The following SEMA3A variants were observed in gnomAD, a reference collection of about 807,000 sequenced individuals.
The protein encoded by SEMA3A is semaphorin-3A.
Under a neutral mutation model 97.9 loss-of-function variants are expected in SEMA3A, and 29 were observed. The ratio of observed to expected loss-of-function variants is 0.30; its 90% confidence interval spans 0.22 to 0.40. SEMA3A has a LOEUF of 0.40. Ranked by LOEUF, SEMA3A falls within the 10% of genes least tolerant of loss-of-function variation. The pLI, the probability that SEMA3A is intolerant of heterozygous loss-of-function variation, is 1.00. For missense variants in SEMA3A, 763 were observed against 951.3 expected (o/e 0.80, Z 2.60); for synonymous variants, 321 against 323.7 (o/e 0.99, Z 0.09).
chr7:84,456,671 T>C (rs1805694962), intron 1 of SEMA3A, among the ~76,000 whole-genome samples: 1 of 151,832 alleles, frequency 6.6e-6, no homozygotes, highest in Non-Finnish European at 1.5e-5. Context: ...ATAATTTCAT[T>C]GGTAAATTGT....
At position 84,465,401 on chromosome 7, in the gene SEMA3A, T is replaced by G. The variant is rs1003333026; in HGVS notation, c.-246+27059A>C. Reference sequence around the variant, plus strand: ...GAACATTGAAAACCAACTGCTAAATTATCTGAGGTTACTTTTAGATACAAT... The same window carrying G: ...GAACATTGAAAACCAACTGCTAAATGATCTGAGGTTACTTTTAGATACAAT... On this transcript the variant is annotated intron_variant, in intron 1 of 3. Transcript: ENST00000424555. 2.6e-5 allele frequency among the ~76,000 whole-genome samples: 4 copies of G among 152,290 alleles called. No individual in the cohort carries two copies. In the East Asian group the frequency reaches 7.7e-4, roughly 29 times the overall value.
At chr7:84,344,951 C>T (rs1802260237) in intron 2 of SEMA3A, among the ~76,000 whole-genome samples, 1 of 152,028 alleles carries the variant, frequency 6.6e-6, no homozygotes, top group Non-Finnish European at 1.5e-5. Context: ...AACACTTTAT[C>T]CAGAATACGT....
intron 2 of SEMA3A, among the ~76,000 whole-genome samples, chr7:84,334,625 C>G (rs1801991888): frequency 2.0e-5 from 3 of 151,754 alleles, no homozygotes; most frequent in African/African-American, 7.3e-5. Flanking sequence ...GTCTTACTTC[C>G]CTATTTCTCC....
chr7:84,280,775 T>C (rs1800422504), intron 3 of SEMA3A, among the ~76,000 whole-genome samples: 2 of 152,004 alleles, frequency 1.3e-5, no homozygotes, highest in Non-Finnish European at 2.9e-5. Flanking sequence ...TGAGACTCGG[T>C]GTCAAAAAAT....
At chr7:84,088,340 A>C (rs182202218) in intron 4 of SEMA3A, among the ~76,000 whole-genome samples, 34 of 152,014 alleles carry the variant, frequency 2.2e-4, no homozygotes, top group Admixed American at 5.9e-4. Flanking sequence ...TGTAGTCCCA[A>C]CTACTCAGGA....
intron 6 of SEMA3A, among the ~76,000 whole-genome samples, chr7:84,044,782 C>T (rs1397418168): frequency 1.3e-5 from 2 of 151,884 alleles, no homozygotes; most frequent in Non-Finnish European, 2.9e-5. Context: ...AACAGTTTTG[C>T]ATGGGATAAG....
intron 10 of SEMA3A, 105 bp from the exon 11 acceptor site, chr7:84,005,663 G>T: frequency 1.3e-6 from 1 of 779,968 alleles, no homozygotes; most frequent in Non-Finnish European, 2.0e-6. Context: ...AAATAGTAGT[G>T]CAGGCCAGGT....
chr7:84,129,144 C>T lies in SEMA3A; in HGVS notation c.312G>A (p.Lys104=), dbSNP rs778492086. The change falls in exon 3 of 17, where the codon AAG becomes AAA. Residue 104 remains lysine (K), a synonymous_variant. Transcript: ENST00000265362. ...TTACCAGGATGTCTTTTCCAGCCCA[C>T]TTGCATTCATCTCTTCTGGTGTAAG... ...PVSYTRRDEC[K]WAGKDILKEC... is the part of the protein sequence containing the mutation. The T allele has an allele frequency of 2.5e-6, 4 of 1,612,834 alleles. No individual in the cohort carries two copies. The highest frequency in any genetic ancestry group is 1.7e-5 in the Admixed American group (1 of 59,984).
chr7:84,467,128 G>GA (rs1324609302), intron 1 of SEMA3A, among the ~76,000 whole-genome samples: 1 of 151,576 alleles, frequency 6.6e-6, no homozygotes, highest in Non-Finnish European at 1.5e-5. Flanking sequence ...CCCCATAAGA[G>GA]AAAAAAAACC....
chr7:84,060,885 T>C (rs754300714), intron 4 of SEMA3A, among the ~76,000 whole-genome samples: 2 of 152,222 alleles, frequency 1.3e-5, no homozygotes, highest in African/African-American at 4.8e-5. Context: ...TCTATCATAA[T>C]GGCTTTTGAG....
intron 1 of SEMA3A, among the ~76,000 whole-genome samples, chr7:84,452,265 A>G (rs931326903): frequency 6.6e-6 from 1 of 151,914 alleles, no homozygotes; most frequent in Non-Finnish European, 1.5e-5. Context: ...TTTTTTAAAA[A>G]TAGCCAGTAC....
chr7:84,265,295 C>G lies in SEMA3A; in HGVS notation c.-83+41912G>C, dbSNP rs950377837. Reference sequence around the variant, plus strand: ...AGTGCAGTGGCATGATCTCTGCACCCAATTCCAGAATGGAGCACAGCAACC... The same window carrying G: ...AGTGCAGTGGCATGATCTCTGCACCGAATTCCAGAATGGAGCACAGCAACC... On this transcript the variant is annotated intron_variant, in intron 3 of 3. Coordinates refer to the SEMA3A transcript ENST00000424555. Among the ~76,000 whole-genome samples the G allele has an allele frequency of 9.9e-5, 15 of 151,814 alleles. No individual in the cohort carries two copies. The East Asian group carries it at 2.9e-3, about 29-fold the overall frequency.
chr7:84,041,551 T>C (rs944292168), intron 6 of SEMA3A, among the ~76,000 whole-genome samples: 2 of 152,118 alleles, frequency 1.3e-5, no homozygotes, highest in African/African-American at 4.8e-5. Flanking sequence ...TTCAAGAAAA[T>C]ACCTTAAGTA....
chr7:84,153,070 T>C (rs972110910), intron 1 of SEMA3A, among the ~76,000 whole-genome samples: 2 of 152,198 alleles, frequency 1.3e-5, no homozygotes, highest in African/African-American at 4.8e-5. Context: ...TTGATGATCT[T>C]AATGACTTTC....
chr7:84,105,067 T>C (rs1203590441), intron 4 of SEMA3A, among the ~76,000 whole-genome samples: 1 of 152,138 alleles, frequency 6.6e-6, no homozygotes, highest in Non-Finnish European at 1.5e-5. Context: ...TCTCGACTTT[T>C]CTCACTGAGG....
intron 4 of SEMA3A, among the ~76,000 whole-genome samples, chr7:84,075,291 A>G (rs919093212): frequency 1.3e-5 from 2 of 150,464 alleles, no homozygotes; most frequent in Non-Finnish European, 2.9e-5. Context: ...CTCCTGCCTC[A>G]GCCTCCCGAG....
intron 1 of SEMA3A, among the ~76,000 whole-genome samples, chr7:84,409,657 A>C (rs528633589): frequency 6.6e-6 from 1 of 152,068 alleles, no homozygotes; most frequent in Non-Finnish European, 1.5e-5. Context: ...TCTTGTATTA[A>C]AAGAAAAAAA....
chr7:84,403,391 C>T (rs1044525195), intron 1 of SEMA3A, among the ~76,000 whole-genome samples: 5 of 152,276 alleles, frequency 3.3e-5, no homozygotes, highest in Middle Eastern at 3.4e-3. Context: ...GTAAACAAAG[C>T]GGCTGGGAAG....
rs951263391 is a variant in SEMA3A at position 84,416,274 on chromosome 7, G to C, written c.-245-44374C>G. 3.9e-5 allele frequency among the ~76,000 whole-genome samples: 6 copies of C among 152,128 alleles called. No individual in the cohort carries two copies. The South Asian group carries it at 6.2e-4, about 16-fold the overall frequency. The stretch of plus-strand genomic sequence containing the variant: ...CATGAGATCTGATGGGTGTATCGAG[G>C]ATTTCCACTTTTGCTTCTTCCTCAT... On this transcript the variant is annotated intron_variant, in intron 1 of 3. Transcript: ENST00000424555.
Sources: allele counts gnomAD v4.1 joint callset (sites outside exome capture counted in the v4.1 genomes callset), GRCh38; gene constraint gnomAD v4.1.1; transcripts MANE v1.5; gene names NCBI Gene and HGNC (gene_info 2026-07-23, HGNC 2026-07-21).